NDUFS4: variants seen among roughly 807,000 people sequenced by gnomAD.
NDUFS4 encodes NADH dehydrogenase [ubiquinone] iron-sulfur protein 4, mitochondrial.
In NDUFS4, 28 loss-of-function variants were observed where a neutral mutation model predicts 24.3. The observed-to-expected ratio is 1.15, with a 90% CI of 0.85 to 1.58. The LOEUF is 1.58. NDUFS4 is among the 40% of genes most tolerant of loss of function. The pLI, the probability that NDUFS4 is intolerant of heterozygous loss-of-function variation, is 0.00. For synonymous variants in NDUFS4, 93 were observed against 69.7 expected (o/e 1.34, Z -1.67); for missense variants, 223 against 207.9 (o/e 1.07, Z -0.45).
chr5:53,628,538 A>G (rs527329229), intron 2 of NDUFS4, among the ~76,000 whole-genome samples: 5 of 151,956 alleles, frequency 3.3e-5, no homozygotes, highest in African/African-American at 1.2e-4. Flanking sequence ...GTAGGCTATT[A>G]TTGCCCCAAT....
intron 1 of NDUFS4, among the ~76,000 whole-genome samples, chr5:53,581,727 G>C (rs1749572344): frequency 6.6e-6 from 1 of 152,038 alleles, no homozygotes; most frequent in African/African-American, 2.4e-5. Flanking sequence ...TTTAGATTAA[G>C]TACTTATCTG....
intron 1 of NDUFS4, among the ~76,000 whole-genome samples, chr5:53,562,495 T>C: frequency 6.6e-6 from 1 of 152,204 alleles, no homozygotes; most frequent in Non-Finnish European, 1.5e-5. Flanking sequence ...CTGATGATAA[T>C]TGTTACTACA....
chr5:53,604,757 G>A (rs1750444869), intron 2 of NDUFS4: 1 of 456,158 alleles, frequency 2.2e-6, no homozygotes, highest in South Asian at 1.5e-5. Context: ...TACATTCTGT[G>A]GTCTAGCCAC....
At chr5:53,638,275 C>G (rs978684767) in intron 2 of NDUFS4, among the ~76,000 whole-genome samples, 1 of 152,016 alleles carries the variant, frequency 6.6e-6, no homozygotes, top group African/African-American at 2.4e-5. Context: ...GATTGAGAGA[C>G]AAATCCTTTG....
intron 2 of NDUFS4, among the ~76,000 whole-genome samples, chr5:53,636,708 G>A (rs570646166): frequency 6.6e-6 from 1 of 152,292 alleles, no homozygotes; most frequent in East Asian, 1.9e-4. Context: ...GAGCCTGTTG[G>A]GAGGTAATTG....
intron 1 of NDUFS4, among the ~76,000 whole-genome samples, chr5:53,587,055 C>G (rs962479510): frequency 6.6e-6 from 1 of 151,878 alleles, no homozygotes; most frequent in Non-Finnish European, 1.5e-5. Context: ...AACTTCTTAC[C>G]TCAAGTGATC....
intron 2 of NDUFS4, among the ~76,000 whole-genome samples, chr5:53,638,159 TATACTC>T (rs1443101761): frequency 6.6e-6 from 1 of 152,240 alleles, no homozygotes; most frequent in South Asian, 2.1e-4. Context: ...TCATTAATAA[TATACTC>T]ATAGATAATA....
At chr5:53,645,684 A>G (rs1579913609) in intron 2 of NDUFS4, among the ~76,000 whole-genome samples, 1 of 152,224 alleles carries the variant, frequency 6.6e-6, no homozygotes, top group South Asian at 2.1e-4. Context: ...ATACATCACA[A>G]TGCTAATTAA....
At chr5:53,663,177 T>C (rs1196456426) in intron 4 of NDUFS4, among the ~76,000 whole-genome samples, 3 of 152,214 alleles carry the variant, frequency 2.0e-5, no homozygotes, top group African/African-American at 7.2e-5. Flanking sequence ...TGCACTGTGG[T>C]CTTAGAGACA....
rs1276549228 is a variant in NDUFS4, at chr5:53,658,794, A to AAC, written c.424+171_424+172insCA. ...CAGAACACCCACCTCCAAAAAAAAA[A>AAC]AAAAAAAAAACCTAAATTGGAATGC... On this transcript the variant is annotated intron_variant, in intron 4 of 4. Transcript: ENST00000296684. 2.6e-4 allele frequency: 151 copies of AAC among 590,196 alleles called. 5 individuals are homozygous for AAC. The South Asian group carries it at 3.3e-3, about 13-fold the overall frequency. 36.6% of individuals were successfully genotyped at this position (590,196 alleles called of 1,614,324 possible).
At chr5:53,601,310 T>C (rs1750316352) in intron 1 of NDUFS4, among the ~76,000 whole-genome samples, 1 of 152,178 alleles carries the variant, frequency 6.6e-6, no homozygotes, top group Non-Finnish European at 1.5e-5. Flanking sequence ...GCTACACATG[T>C]TTACAAAAGA....
chr5:53,561,501 A>G (rs1040115026), intron 1 of NDUFS4, among the ~76,000 whole-genome samples: 1 of 78,490 alleles, frequency 1.3e-5, no homozygotes, highest in South Asian at 6.2e-4. Flanking sequence ...TCCTTGAAGC[A>G]TTTTTGTGAT....
chr5:53,599,791 A>G (rs1750251826), intron 1 of NDUFS4, among the ~76,000 whole-genome samples: 1 of 151,578 alleles, frequency 6.6e-6, no homozygotes, highest in Admixed American at 6.6e-5. Flanking sequence ...AGCTTCTGTC[A>G]TTTTTTCCTT....
chr5:53,598,651 G>C (rs890559407), intron 1 of NDUFS4, among the ~76,000 whole-genome samples: 5 of 152,052 alleles, frequency 3.3e-5, no homozygotes, highest in Admixed American at 2.0e-4. Flanking sequence ...ATCTCATATT[G>C]TTATCAAGCT....
intron 1 of NDUFS4, among the ~76,000 whole-genome samples, chr5:53,590,095 G>C (rs1749894648): frequency 6.6e-6 from 1 of 152,128 alleles, no homozygotes; most frequent in South Asian, 2.1e-4. Context: ...AGAGAATTAC[G>C]CATGATTGAT....
At position 53,683,164 on chromosome 5, in the gene NDUFS4, C is replaced by G. The variant is rs1740730453; in HGVS notation, c.471C>G (p.Ser157=). ...AGAGGAAGGTTCCAAAACCCAAGTC[C>G]AAGTCTTATGGTGCAAACTTTTCTT... ...IEERKVPKPK[S]KSYGANFSWN... Residue 157 remains serine (S), a synonymous_variant, in exon 5 of 5, where the codon TCC becomes TCG. Coordinates refer to ENST00000296684, the MANE Select transcript of NDUFS4 (RefSeq NM_002495.4). 1.9e-6 allele frequency: 3 copies of G among 1,612,646 alleles called. No homozygotes were observed. The highest frequency in any genetic ancestry group is 2.5e-6 in the Non-Finnish European group (3 of 1,179,036).
At chr5:53,632,229 G>A (rs1751430407) in intron 2 of NDUFS4, among the ~76,000 whole-genome samples, 1 of 152,202 alleles carries the variant, frequency 6.6e-6, no homozygotes, top group South Asian at 2.1e-4. Flanking sequence ...GTTACTGGGA[G>A]CCTGGATTTT....
At chr5:53,594,122 C>T (rs1346280153) in intron 1 of NDUFS4, among the ~76,000 whole-genome samples, 1 of 152,080 alleles carries the variant, frequency 6.6e-6, no homozygotes. Context: ...CTGGCTCTGT[C>T]AATTACTATT....
At chr5:53,612,052 CT>C (rs1308373671) in intron 2 of NDUFS4, among the ~76,000 whole-genome samples, 1 of 151,814 alleles carries the variant, frequency 6.6e-6, no homozygotes, top group Non-Finnish European at 1.5e-5. Context: ...TAAAATATTA[CT>C]AAGAAAATAG....
Sources: gnomAD v4.1 joint callset for allele counts (sites outside exome capture counted in the v4.1 genomes callset) on GRCh38, gnomAD v4.1.1 for gene constraint, MANE v1.5 for transcripts, NCBI Gene and HGNC (gene_info 2026-07-23, HGNC 2026-07-21) for gene names.